GULP1: variants seen among roughly 807,000 people sequenced by gnomAD.
GULP1 encodes PTB domain-containing engulfment adapter protein 1.
GULP1 carries 19 observed loss-of-function variants against 40.9 expected under a neutral mutation model. That is an observed-to-expected ratio of 0.46 (90% CI 0.32 to 0.68). GULP1 has a LOEUF of 0.68. Among genes scored for constraint, GULP1 ranks in the 30% least tolerant of loss-of-function variants. GULP1 has a pLI of 0.03. For missense variants in GULP1, 312 were observed against 362.2 expected (o/e 0.86, Z 1.12); for synonymous variants, 119 against 117.6 (o/e 1.01, Z -0.08).
At chr2:188,321,806 C>T (rs1574398672) in intron 1 of GULP1, among the ~76,000 whole-genome samples, 1 of 152,044 alleles carries the variant, frequency 6.6e-6, no homozygotes, top group South Asian at 2.1e-4. Flanking sequence ...CACCTAAGGT[C>T]AGGAGTTTGA....
intron 2 of GULP1, among the ~76,000 whole-genome samples, chr2:188,412,667 G>A (rs994864806): frequency 6.6e-6 from 1 of 152,236 alleles, no homozygotes; most frequent in Middle Eastern, 3.4e-3. Context: ...TCCCTTGAGA[G>A]CACTCCGTAT....
At chr2:188,412,851 C>G (rs1055488962) in intron 2 of GULP1, among the ~76,000 whole-genome samples, 1 of 152,196 alleles carries the variant, frequency 6.6e-6, no homozygotes, top group Non-Finnish European at 1.5e-5. Flanking sequence ...AAACCCCACT[C>G]TTTAGTGCCT....
intron 2 of GULP1, among the ~76,000 whole-genome samples, chr2:188,404,071 A>G (rs547442055): frequency 1.1e-4 from 17 of 152,282 alleles, no homozygotes; most frequent in African/African-American, 4.1e-4. Flanking sequence ...AAGTAAGTAG[A>G]GTGCAATATA....
intron 1 of GULP1, among the ~76,000 whole-genome samples, chr2:188,379,993 A>G (rs1288088125): frequency 1.3e-5 from 2 of 152,194 alleles, no homozygotes; most frequent in African/African-American, 4.8e-5. Flanking sequence ...TATCACACTG[A>G]TGCATGCAAA....
chr2:188,569,176 T>C, intron 7 of GULP1, 63 bp from the exon 8 acceptor site: 1 of 859,146 alleles, frequency 1.2e-6, no homozygotes, highest in Non-Finnish European at 2.0e-6. Flanking sequence ...AATGTTGTTT[T>C]CTCGATTCAA....
intron 5 of GULP1, among the ~76,000 whole-genome samples, chr2:188,528,458 A>G (rs903420443): frequency 7.2e-5 from 11 of 151,982 alleles, no homozygotes; most frequent in Middle Eastern, 3.2e-3. Context: ...ACATACACCT[A>G]CTAACTCAAT....
intron 4 of GULP1, among the ~76,000 whole-genome samples, chr2:188,495,001 C>T (rs2062767772): frequency 1.3e-5 from 2 of 152,130 alleles, no homozygotes; most frequent in African/African-American, 4.8e-5. Flanking sequence ...TTTGTGGTAT[C>T]CTGTGCTTAA....
intron 1 of GULP1, among the ~76,000 whole-genome samples, chr2:188,379,350 T>G (rs1438194367): frequency 2.0e-5 from 3 of 152,306 alleles, no homozygotes; most frequent in East Asian, 3.9e-4. Context: ...AAAGGTGATA[T>G]GAATTCTTGG....
chr2:188,532,753 T>A (rs1194610130), intron 6 of GULP1, among the ~76,000 whole-genome samples: 10 of 125,780 alleles, frequency 8.0e-5, no homozygotes, highest in African/African-American at 9.0e-5. Flanking sequence ...CTGTCTCTAC[T>A]AAAAAAAAAA....
chr2:188,352,616 T>TCACACACACACACA (rs1179352194), intron 1 of GULP1, among the ~76,000 whole-genome samples: 3,290 of 75,766 alleles, frequency 0.043, 125 homozygotes, highest in African/African-American at 0.14. Context: ...TCTCTCTCTC[T>TCACACACACACACA]CTCACACACA....
At chr2:188,306,645 GA>G (rs1283290438) in intron 1 of GULP1, among the ~76,000 whole-genome samples, 2 of 152,186 alleles carry the variant, frequency 1.3e-5, no homozygotes, top group African/African-American at 4.8e-5. Context: ...AGAAAGAGAA[GA>G]GGGACTAAAA....
chr2:188,372,342 T>C (rs773980473), intron 1 of GULP1, among the ~76,000 whole-genome samples: 1 of 152,106 alleles, frequency 6.6e-6, no homozygotes, highest in Non-Finnish European at 1.5e-5. Context: ...TTCTTTTAAC[T>C]ACATACAGCT....
intron 9 of GULP1, among the ~76,000 whole-genome samples, chr2:188,582,019 C>G (rs1251849075): frequency 2.0e-5 from 3 of 152,132 alleles, no homozygotes; most frequent in Non-Finnish European, 4.4e-5. Flanking sequence ...CAGAAGCCCT[C>G]TCCAAAATAA....
chr2:188,536,261 T>G (rs1688906706), intron 6 of GULP1, among the ~76,000 whole-genome samples: 1 of 152,162 alleles, frequency 6.6e-6, no homozygotes, highest in Admixed American at 6.6e-5. Flanking sequence ...CAAAAATTCT[T>G]TACCAAAGCT....
intron 4 of GULP1, among the ~76,000 whole-genome samples, chr2:188,487,581 A>G (rs2061970326): frequency 6.6e-6 from 1 of 151,852 alleles, no homozygotes; most frequent in South Asian, 2.1e-4. Flanking sequence ...ATGATAACCA[A>G]CATCATGTCG....
At chr2:188,580,950 C>T (rs1442123885) in intron 9 of GULP1, among the ~76,000 whole-genome samples, 1 of 152,156 alleles carries the variant, frequency 6.6e-6, no homozygotes, top group African/African-American at 2.4e-5. Context: ...CTTTCTGGCC[C>T]GAGCGTAGGC....
rs551061032 is a variant in GULP1, at chr2:188,421,318, A to T, written c.-45+37429A>T. Among the ~76,000 whole-genome samples the T allele has an allele frequency of 1.4e-4, 21 of 152,292 alleles. No individual in the cohort carries two copies. The South Asian group carries it at 4.1e-3, about 30-fold the overall frequency. ...TTAGACCTATGCCTGTATAAATTAT[A>T]AACTTTTATATATATGAATTGAAAT... On this transcript the variant is annotated intron_variant, in intron 2 of 11. Coordinates refer to ENST00000409830, the MANE Select transcript of GULP1 (RefSeq NM_016315.4).
chr2:188,362,965 T>G lies in GULP1; in HGVS notation c.-171-20798T>G, dbSNP rs189334847. Among the ~76,000 whole-genome samples the G allele has an allele frequency of 2.1e-4, 32 of 152,130 alleles. 1 individual carries two copies. Among genetic ancestry groups the G allele is most frequent in the African/African-American group, 7.7e-4 (32 of 41,544 alleles). On this transcript the variant is annotated intron_variant, in intron 1 of 11. Coordinates refer to ENST00000409830, the MANE Select transcript of GULP1 (RefSeq NM_016315.4). ...ACGCTTAATAGGAGGTGGGTTCTAATTTTTTAAAAAAGAAAAAAATATGAA... is the reference window on the plus strand; with the variant it reads ...ACGCTTAATAGGAGGTGGGTTCTAAGTTTTTAAAAAAGAAAAAAATATGAA...
intron 3 of GULP1, among the ~76,000 whole-genome samples, chr2:188,482,550 A>AT (rs1559292339): frequency 6.6e-6 from 1 of 151,852 alleles, no homozygotes; most frequent in Non-Finnish European, 1.5e-5. Context: ...CTTACTCCAC[A>AT]TAAGTGCAGA....
Sources: allele counts gnomAD v4.1 joint callset (sites outside exome capture counted in the v4.1 genomes callset), GRCh38; gene constraint gnomAD v4.1.1; transcripts MANE v1.5; gene names NCBI Gene and HGNC (gene_info 2026-07-23, HGNC 2026-07-21).